NCOA7: variants seen among roughly 807,000 people sequenced by gnomAD.
NCOA7 encodes the protein 140 kDa estrogen receptor-associated protein.
In NCOA7, 45 loss-of-function variants were observed where a neutral mutation model predicts 104.3. The ratio of observed to expected loss-of-function variants is 0.43; its 90% CI spans 0.34 to 0.55. The LOEUF (loss-of-function observed/expected upper bound fraction) is 0.55. Among genes scored for constraint, NCOA7 ranks in the 20% least tolerant of loss-of-function variants. NCOA7 has a pLI of 0.02. For missense variants in NCOA7, 1,041 were observed against 1,119.7 expected, an observed-to-expected ratio of 0.93 and a Z score of 1.00; for synonymous variants, 398 against 402.3, an observed-to-expected ratio of 0.99 and a Z score of 0.13.
intron 11 of NCOA7, chr6:125,919,493 C>T (rs1787383051): frequency 6.6e-6 from 10 of 1,503,944 alleles, no homozygotes; most frequent in African/African-American, 1.4e-5. Context: ...GATGTACCTC[C>T]GAGTTTCTTT....
At chr6:125,830,761 ATGTGTG>A (rs59933115) in intron 2 of NCOA7, among the ~76,000 whole-genome samples, 5 of 144,022 alleles carry the variant, frequency 3.5e-5, no homozygotes, top group Non-Finnish European at 6.0e-5. Flanking sequence ...GTGTGTGTGT[ATGTGTG>A]TGTGTGTGTG....
chr6:125,789,203 T>C (rs903224346), upstream of NCOA7, among the ~76,000 whole-genome samples: 1 of 152,192 alleles, frequency 6.6e-6, no homozygotes, highest in African/African-American at 2.4e-5. Flanking sequence ...TAGTTATCTT[T>C]TGAAAATAAA....
intron 10 of NCOA7, 71 bp downstream of exon 10, chr6:125,890,881 T>C: frequency 7.6e-7 from 1 of 1,316,406 alleles, no homozygotes; most frequent in Non-Finnish European, 1.0e-6. Flanking sequence ...TTCTTTATCT[T>C]AAAATACTTA....
chr6:125,915,492 G>T lies in NCOA7; in HGVS notation c.2244+12G>T. ...CCAAGAGCTGGGAGGTGAGCACTTG[G>T]GCAGGGTTAGACCGTCGTAGTTCCT... On this transcript the variant is annotated intron_variant, in intron 11 of 15. Transcript: ENST00000392477. 1 of 1,613,426 alleles carries T rather than the reference G, an allele frequency of 6.2e-7. No homozygotes were observed. Among genetic ancestry groups the T allele is most frequent in the Non-Finnish European group, 8.5e-7 (1 of 1,179,548 alleles).
At chr6:125,910,563 G>C (rs563546535) in intron 10 of NCOA7, among the ~76,000 whole-genome samples, 1 of 152,090 alleles carries the variant, frequency 6.6e-6, no homozygotes, top group Non-Finnish European at 1.5e-5. Context: ...AATTCTACAC[G>C]GCAAAAATAG....
At chr6:125,902,788 C>T (rs561483965) in intron 10 of NCOA7, among the ~76,000 whole-genome samples, 1 of 152,236 alleles carries the variant, frequency 6.6e-6, no homozygotes, top group South Asian at 2.1e-4. Context: ...CATGAACTGA[C>T]CTTGTGTTCG....
At chr6:125,857,651 C>G (rs1038430409) in intron 3 of NCOA7, among the ~76,000 whole-genome samples, 11 of 151,914 alleles carry the variant, frequency 7.2e-5, no homozygotes, top group Non-Finnish European at 1.3e-4. Flanking sequence ...ACCTCTGCCT[C>G]TGGGGTTGAA....
In NCOA7 at chr6:125,882,503, TGTG is replaced by T; in HGVS notation, c.655_657del (p.Val219del). The T allele has an allele frequency of 2.1e-5, 34 of 1,613,574 alleles. No individual in the cohort carries two copies. The highest frequency in any genetic ancestry group is 2.9e-5 in the Non-Finnish European group (34 of 1,179,744). Reference sequence around the variant, plus strand: ...CTACTTCTGAAGAAGATGAGCCAGGTGTGGTGAAATTTTTAAAAATGAATTGTC... The same window carrying T: ...CTACTTCTGAAGAAGATGAGCCAGGTGTGAAATTTTTAAAAATGAATTGTC... On this transcript the variant is annotated inframe_deletion, in exon 7 of 16. Coordinates refer to ENST00000392477, the MANE Select transcript of NCOA7 (RefSeq NM_181782.5).
intron 11 of NCOA7, chr6:125,919,337 C>T (rs544071025): frequency 5.3e-5 from 86 of 1,612,674 alleles, no homozygotes; most frequent in Middle Eastern, 1.6e-4. Flanking sequence ...GAGAGAGAGC[C>T]ACACTTCTCA....
In NCOA7 at chr6:125,889,222, C is replaced by T; in HGVS notation, c.1168C>T (p.Leu390Phe). The T allele has an allele frequency of 6.2e-7, 1 of 1,613,988 alleles. No individual in the cohort carries two copies. ...CCATGGTTCTCCCACAGTGACTAAG[C>T]TCAGCAAGGAACCTTCCGACACTTC... is the stretch of plus-strand genomic sequence containing the variant. The part of the protein sequence containing the change: ...TSHGSPTVTK[L>F]SKEPSDTSSA... The change falls in exon 9 of 16, where the codon CTC (leucine) becomes TTC (phenylalanine). Residue 390 changes from leucine to phenylalanine, a missense_variant. This residue lies in a region of NCOA7 where 914 missense variants were observed against 942.7 expected (regional missense o/e 0.97). Coordinates refer to ENST00000392477, the MANE Select transcript of NCOA7 (RefSeq NM_181782.5).
At chr6:125,922,628 G>A (rs772379499) in intron 12 of NCOA7, 54 bp from the exon 13 acceptor site, 29 of 1,582,264 alleles carry the variant, frequency 1.8e-5, no homozygotes, top group Middle Eastern at 2.3e-4. Context: ...CCACATGTTC[G>A]TGAGCAATTT....
At chr6:125,843,924 C>T (rs569130218) in intron 2 of NCOA7, among the ~76,000 whole-genome samples, 1 of 152,190 alleles carries the variant, frequency 6.6e-6, no homozygotes, top group African/African-American at 2.4e-5. Flanking sequence ...CAGTGTGCAT[C>T]CATTTTGCAG....
intron 1 of NCOA7, among the ~76,000 whole-genome samples, chr6:125,799,554 G>T (rs1775689286): frequency 6.6e-6 from 1 of 151,200 alleles, no homozygotes; most frequent in African/African-American, 2.4e-5. Context: ...ATTCTCCTGA[G>T]TCAACCTTTG....
intron 2 of NCOA7, among the ~76,000 whole-genome samples, chr6:125,843,001 G>A (rs926837368): frequency 1.3e-5 from 2 of 152,144 alleles, no homozygotes; most frequent in South Asian, 2.1e-4. Context: ...GCAATTATTT[G>A]TAACATAAAA....
At chr6:125,830,735 ATATGTG>A (rs1163637652) in intron 2 of NCOA7, among the ~76,000 whole-genome samples, 1 of 133,956 alleles carries the variant, frequency 7.5e-6, no homozygotes, top group Non-Finnish European at 1.6e-5. Context: ...ATATATATAT[ATATGTG>A]TGTGTGTGTG....
chr6:125,814,379 C>T (rs1777381606), intron 1 of NCOA7, among the ~76,000 whole-genome samples: 1 of 152,214 alleles, frequency 6.6e-6, no homozygotes, highest in South Asian at 2.1e-4. Flanking sequence ...CGGTCTCAAA[C>T]TACCAATCTC....
chr6:125,915,507 T>TC (rs1444717584), intron 11 of NCOA7, 27 bp downstream of exon 11: 5 of 1,612,800 alleles, frequency 3.1e-6, no homozygotes, highest in Non-Finnish European at 4.2e-6. Flanking sequence ...GGTTAGACCG[T>TC]CGTAGTTCCT....
intron 10 of NCOA7, among the ~76,000 whole-genome samples, chr6:125,908,345 G>A (rs955713057): frequency 1.3e-5 from 2 of 152,120 alleles, no homozygotes; most frequent in Admixed American, 1.3e-4. Context: ...CAGTGGCAGG[G>A]GGCTTGATCT....
intron 4 of NCOA7, 63 bp from the exon 5 acceptor site, chr6:125,878,200 G>A (rs559593330): frequency 1.0e-6 from 1 of 960,714 alleles, no homozygotes; most frequent in South Asian, 1.9e-5. Context: ...TAAATTAATA[G>A]TATCTATCAA....
Sources: gnomAD v4.1 joint callset for allele counts (sites outside exome capture counted in the v4.1 genomes callset) on GRCh38, gnomAD v4.1.1 for gene constraint, gnomAD v4.1.1 regional missense constraint, MANE v1.5 for transcripts, NCBI Gene and HGNC (gene_info 2026-07-23, HGNC 2026-07-21) for gene names.